The following SOX5 variants were observed in gnomAD, a reference collection of about 807,000 sequenced individuals.
The protein encoded by SOX5 is transcription factor SOX-5.
A neutral mutation model predicts 92.0 loss-of-function variants in SOX5; 9 were observed. The ratio of observed to expected loss-of-function variants is 0.10; its 90% CI spans 0.06 to 0.17. SOX5 has a LOEUF of 0.17. Among genes scored for constraint, SOX5 ranks in the 10% least tolerant of loss-of-function variants. The probability of loss-of-function intolerance (pLI) is 1.00; values close to 1 mark genes in which losing one functional copy is unlikely to be tolerated. For synonymous variants in SOX5, 344 were observed against 336.3 expected (o/e 1.02, Z -0.25); for missense variants, 642 against 944.5 (o/e 0.68, Z 4.20).
chr12:23,971,737 G>T (rs978927232), intron 4 of SOX5, among the ~76,000 whole-genome samples: 9 of 151,892 alleles, frequency 5.9e-5, no homozygotes, highest in Admixed American at 1.3e-4. Flanking sequence ...TAGAGTCCCT[G>T]TTCATTCTTT....
At chr12:24,177,281 A>G (rs1351247584) in intron 4 of SOX5, among the ~76,000 whole-genome samples, 1 of 152,210 alleles carries the variant, frequency 6.6e-6, no homozygotes, top group Non-Finnish European at 1.5e-5. Flanking sequence ...TGGCTTATAC[A>G]TGTCAGAGCC....
At chr12:24,487,434 A>G (rs1946629818) in intron 1 of SOX5, among the ~76,000 whole-genome samples, 1 of 152,202 alleles carries the variant, frequency 6.6e-6, no homozygotes, top group South Asian at 2.1e-4. Flanking sequence ...TAAAAACCAA[A>G]AGGTAAATAT....
intron 1 of SOX5, among the ~76,000 whole-genome samples, chr12:24,403,869 C>A (rs867935480): frequency 1.3e-5 from 2 of 152,172 alleles, no homozygotes; most frequent in African/African-American, 4.8e-5. Context: ...TAGGTATATA[C>A]TTCAGGTCTT....
chr12:23,702,462 T>C (rs2090792581), intron 6 of SOX5, among the ~76,000 whole-genome samples: 1 of 152,064 alleles, frequency 6.6e-6, no homozygotes, highest in Non-Finnish European at 1.5e-5. Context: ...CAAATGAAGC[T>C]ATTTGTTCAT....
chr12:24,370,958 A>T (rs1956677322), intron 1 of SOX5, among the ~76,000 whole-genome samples: 2 of 152,218 alleles, frequency 1.3e-5, no homozygotes, highest in Non-Finnish European at 2.9e-5. Context: ...CACCCCAAAG[A>T]TCCTACTGAA....
chr12:23,659,226 A>C (rs2082707597), intron 7 of SOX5, among the ~76,000 whole-genome samples: 1 of 152,194 alleles, frequency 6.6e-6, no homozygotes, highest in Non-Finnish European at 1.5e-5. Context: ...CCCATTAAAC[A>C]ATGAAACATG....
intron 3 of SOX5, among the ~76,000 whole-genome samples, chr12:24,255,026 G>T (rs1199701665): frequency 1.3e-5 from 2 of 152,056 alleles, no homozygotes; most frequent in Non-Finnish European, 2.9e-5. Context: ...AGAAAAGAAA[G>T]CAATGCAAAA....
chr12:23,618,297 T>C (rs2076803393), intron 8 of SOX5, among the ~76,000 whole-genome samples: 1 of 152,192 alleles, frequency 6.6e-6, no homozygotes, highest in Non-Finnish European at 1.5e-5. Context: ...TTATTTAATT[T>C]GGGTATTATG....
chr12:23,830,588 G>A (rs1568139863), intron 3 of SOX5, among the ~76,000 whole-genome samples: 2 of 152,122 alleles, frequency 1.3e-5, no homozygotes, highest in Admixed American at 6.6e-5. Flanking sequence ...GCCAATTAAA[G>A]TATCTTTAGG....
chr12:24,373,026 G>A (rs1361816592), intron 1 of SOX5, among the ~76,000 whole-genome samples: 2 of 151,956 alleles, frequency 1.3e-5, no homozygotes, highest in African/African-American at 4.8e-5. Context: ...GCTAAGGTGG[G>A]AGGATGATGT....
At chr12:23,685,363 C>T (rs1384210015) in intron 6 of SOX5, among the ~76,000 whole-genome samples, 1 of 151,766 alleles carries the variant, frequency 6.6e-6, no homozygotes, top group South Asian at 2.1e-4. Flanking sequence ...CATAAAGATA[C>T]TCTCTGAAAA....
intron 2 of SOX5, among the ~76,000 whole-genome samples, chr12:23,849,274 C>T (rs1412457134): frequency 6.6e-6 from 1 of 152,136 alleles, no homozygotes; most frequent in African/African-American, 2.4e-5. Context: ...TAAGTTCATA[C>T]TTAGAAACAT....
intron 4 of SOX5, among the ~76,000 whole-genome samples, chr12:24,085,148 A>G (rs1943820918): frequency 6.6e-6 from 1 of 152,102 alleles, no homozygotes; most frequent in Admixed American, 6.6e-5. Context: ...AATTAAAAAG[A>G]TACTTTCTTT....
At chr12:23,610,604 A>C (rs2075834783) in intron 8 of SOX5, among the ~76,000 whole-genome samples, 1 of 152,164 alleles carries the variant, frequency 6.6e-6, no homozygotes, top group African/African-American at 2.4e-5. Flanking sequence ...GTGACTATAC[A>C]TAAAACAAAT....
chr12:24,237,621 A>C (rs1392517291), intron 3 of SOX5, among the ~76,000 whole-genome samples: 1 of 152,150 alleles, frequency 6.6e-6, no homozygotes, highest in Non-Finnish European at 1.5e-5. Flanking sequence ...CTGATAAGGA[A>C]AAAGGTAACA....
rs1334090764 is a variant in SOX5, at chr12:23,895,540, AT to A, written c.270+252del. On this transcript the variant is annotated intron_variant, in intron 2 of 14. Transcript: ENST00000451604. Reference sequence around the variant, plus strand: ...TTAACATTATTTTTATATTTTGTATATTTTTTCCCCTCTAATTAAATTGTAA... The same window carrying A: ...TTAACATTATTTTTATATTTTGTATATTTTTCCCCTCTAATTAAATTGTAA... Among the ~76,000 whole-genome samples, 6 of 152,256 alleles carry A rather than the reference AT, an allele frequency of 3.9e-5. No individual in the cohort carries two copies. In the East Asian group the frequency reaches 5.8e-4, roughly 15 times the overall value.
chr12:23,786,359 T>C (rs2095377359), intron 3 of SOX5, among the ~76,000 whole-genome samples: 1 of 152,006 alleles, frequency 6.6e-6, no homozygotes, highest in Admixed American at 6.5e-5. Flanking sequence ...ACATACATTT[T>C]TCTTTTCAGG....
At chr12:24,381,725 G>C (rs1957849682) in intron 1 of SOX5, among the ~76,000 whole-genome samples, 1 of 152,176 alleles carries the variant, frequency 6.6e-6, no homozygotes, top group African/African-American at 2.4e-5. Flanking sequence ...GCCTCATACA[G>C]TGACCCACAC....
chr12:23,652,007 GAACT>G lies in SOX5; in HGVS notation c.932-11114_932-11111del, dbSNP rs1430345700. 8.6e-5 allele frequency among the ~76,000 whole-genome samples: 13 copies of G among 151,862 alleles called. No individual in the cohort carries two copies. In the South Asian group the frequency reaches 2.7e-3, roughly 31 times the overall value. On this transcript the variant is annotated intron_variant, in intron 7 of 14. Transcript: ENST00000451604. Reference sequence around the variant, plus strand: ...AATTACCTCCTATCCTAAAAAAAATGAACTATCTAGAATATAAAACCCCTTCTGA... The same window carrying G: ...AATTACCTCCTATCCTAAAAAAAATGATCTAGAATATAAAACCCCTTCTGA...
Sources: gnomAD v4.1 joint callset for allele counts (sites outside exome capture counted in the v4.1 genomes callset) on GRCh38, gnomAD v4.1.1 for gene constraint, MANE v1.5 for transcripts, NCBI Gene and HGNC (gene_info 2026-07-23, HGNC 2026-07-21) for gene names.